MARCO: variants seen among roughly 807,000 people sequenced by gnomAD.
The protein encoded by MARCO is macrophage receptor with collagenous structure.
Under a neutral mutation model 70.0 loss-of-function variants are expected in MARCO, and 72 were observed. The ratio of observed to expected loss-of-function variants is 1.03; its 90% CI spans 0.85 to 1.25. MARCO has a LOEUF of 1.25. Ranked by LOEUF, MARCO falls within the 50% of genes most tolerant of loss-of-function variation. MARCO has a pLI of 0.00. For synonymous variants in MARCO, 273 were observed against 243.1 expected, an observed-to-expected ratio of 1.12 and a Z score of -1.14; for missense variants, 696 against 659.3, an observed-to-expected ratio of 1.06 and a Z score of -0.61.
intron 4 of MARCO, among the ~76,000 whole-genome samples, chr2:118,971,852 G>A (rs1036880258): frequency 5.3e-5 from 8 of 152,206 alleles, no homozygotes; most frequent in Admixed American, 2.0e-4. Context: ...TTTCCTGTAA[G>A]CATTCCTTCC....
rs1489396125 is a variant in MARCO, at chr2:118,977,900, G to T, written c.731G>T (p.Gly244Val). The change falls in exon 8 of 17, where the codon GGA becomes GTA. Residue 244 changes from glycine to valine, a missense_variant. Physicochemically the swap from Gly to Val is moderately radical, Grantham distance 109 (BLOSUM62 -3). Transcript: ENST00000327097. ...CTCATTGGCCCAAAAGGGGAAACTG[G>T]AACTAAGGGAGAGAAAGGAGACCTG... ...GGLIGPKGETGTKGEKGDLGL... is the reference protein window; with the variant it reads ...GGLIGPKGETVTKGEKGDLGL... 1 of 1,611,808 alleles carries T rather than the reference G, an allele frequency of 6.2e-7. No homozygotes were observed. The highest frequency in any genetic ancestry group is 1.3e-5 in the African/African-American group (1 of 74,994).
intron 1 of MARCO, among the ~76,000 whole-genome samples, chr2:118,968,211 A>G (rs1680092469): frequency 6.6e-6 from 1 of 152,220 alleles, no homozygotes; most frequent in Non-Finnish European, 1.5e-5. Flanking sequence ...AAGACAGAGT[A>G]ACAGCTGACG....
At chr2:118,986,737 A>C (rs1190182040) in intron 12 of MARCO, among the ~76,000 whole-genome samples, 1 of 146,896 alleles carries the variant, frequency 6.8e-6, no homozygotes, top group Non-Finnish European at 1.5e-5. Flanking sequence ...AAAGAAAGAA[A>C]GAGAAAGAAA....
chr2:118,973,814 C>G (rs1416102180), intron 4 of MARCO, among the ~76,000 whole-genome samples: 2 of 152,182 alleles, frequency 1.3e-5, no homozygotes, highest in African/African-American at 4.8e-5. Flanking sequence ...CTCTGTTTCT[C>G]TCCCCTATCC....
Position 118,994,524 on chromosome 2 carries a change from G to A in MARCO, c.*4G>A, listed in dbSNP as rs368941755. Reference sequence around the variant, plus strand: ...AGGCGTGGAGTGCAGCGTCTGACCCGGAAACCCTTTCACTTCTCTGCTCCC... The same window carrying A: ...AGGCGTGGAGTGCAGCGTCTGACCCAGAAACCCTTTCACTTCTCTGCTCCC... On this transcript the variant is annotated 3_prime_UTR_variant, in exon 17 of 17. Coordinates refer to ENST00000327097, the MANE Select transcript of MARCO (RefSeq NM_006770.4). 78 of 1,575,222 alleles carry A rather than the reference G, an allele frequency of 5.0e-5. No individual in the cohort carries two copies. The African/African-American group carries it at 8.1e-4, about 16-fold the overall frequency.
chr2:118,991,786 G>T lies in MARCO; in HGVS notation c.1118G>T (p.Gly373Val). ...GTGTCTCTCCTTCCAGGCCCTGCAG[G>T]TGTGAAGGGAGAACAGGGGAGCCCA... The part of the protein sequence containing the change: ...KGESGVPGPA[G>V]VKGEQGSPGL... Residue 373 changes from glycine (G) to valine (V), a missense_variant, in exon 14 of 17, where the codon GGT becomes GTT. Gly to Val is a moderately radical substitution (Grantham distance 109). Coordinates refer to ENST00000327097, the MANE Select transcript of MARCO (RefSeq NM_006770.4). 2 of 1,586,872 alleles carry T rather than the reference G, an allele frequency of 1.3e-6. No homozygotes were observed. Among genetic ancestry groups the T allele is most frequent in the Non-Finnish European group, 1.7e-6 (2 of 1,167,154 alleles).
chr2:118,962,250 T>C (rs2104566450), intron 1 of MARCO, among the ~76,000 whole-genome samples: 2 of 152,318 alleles, frequency 1.3e-5, no homozygotes, highest in South Asian at 4.1e-4. Flanking sequence ...TCTAATTCTG[T>C]GAAGAATGTC....
At chr2:118,965,328 A>G (rs958194088) in intron 1 of MARCO, among the ~76,000 whole-genome samples, 1 of 152,098 alleles carries the variant, frequency 6.6e-6, no homozygotes, top group African/African-American at 2.4e-5. Flanking sequence ...TGTCACATCT[A>G]TTACACTATT....
intron 1 of MARCO, among the ~76,000 whole-genome samples, chr2:118,967,665 C>G (rs1301426272): frequency 1.3e-5 from 2 of 152,154 alleles, no homozygotes; most frequent in Non-Finnish European, 2.9e-5. Context: ...ACCCCTAGAC[C>G]ATTGTTCATC....
chr2:118,957,509 C>A (rs1319675651), intron 1 of MARCO, among the ~76,000 whole-genome samples: 2 of 151,552 alleles, frequency 1.3e-5, no homozygotes, highest in Non-Finnish European at 3.0e-5. Context: ...AATTACCCCC[C>A]AAAAACAAAC....
chr2:118,977,648 C>A, intron 7 of MARCO, 133 bp downstream of exon 7: 1 of 847,146 alleles, frequency 1.2e-6, no homozygotes, highest in East Asian at 2.8e-5. Flanking sequence ...CTACAGTCCT[C>A]TTCTCTTGAG....
At chr2:118,962,315 G>A (rs1224598059) in intron 1 of MARCO, among the ~76,000 whole-genome samples, 1 of 152,082 alleles carries the variant, frequency 6.6e-6, no homozygotes, top group Non-Finnish European at 1.5e-5. Context: ...GGGCAGTATG[G>A]TCATTTTCAT....
chr2:118,971,355 C>T (rs1192975703), intron 3 of MARCO, 144 bp from the exon 4 acceptor site: 2 of 787,616 alleles, frequency 2.5e-6, no homozygotes, highest in South Asian at 1.5e-5. Context: ...GTGCTTGGCT[C>T]CTGTTGTCCA....
chr2:118,968,462 G>T (rs919091208), intron 1 of MARCO, among the ~76,000 whole-genome samples: 1 of 151,944 alleles, frequency 6.6e-6, no homozygotes, highest in African/African-American at 2.4e-5. Context: ...AAGATTAAAA[G>T]AAAAAAAGGC....
chr2:118,992,562 G>T (rs1008715850), intron 15 of MARCO, 86 bp downstream of exon 15: 2 of 1,176,356 alleles, frequency 1.7e-6, no homozygotes, highest in African/African-American at 3.0e-5. Flanking sequence ...AAGAGACCTT[G>T]GTTCTCAAAT....
chr2:118,981,242 G>A (rs968839291), intron 8 of MARCO, among the ~76,000 whole-genome samples, 167 bp from the exon 9 acceptor site: 4 of 152,078 alleles, frequency 2.6e-5, no homozygotes, highest in East Asian at 1.9e-4. Flanking sequence ...GGGGCAAAGC[G>A]GTGCACTCCT....
intron 13 of MARCO, among the ~76,000 whole-genome samples, chr2:118,991,131 T>G (rs1281637621): frequency 6.6e-6 from 1 of 152,218 alleles, no homozygotes; most frequent in East Asian, 1.9e-4. Flanking sequence ...TGGCACCAGC[T>G]GGACGGTGTT....
intron 4 of MARCO, among the ~76,000 whole-genome samples, chr2:118,973,767 A>G (rs1051446627): frequency 6.6e-6 from 1 of 152,170 alleles, no homozygotes; most frequent in African/African-American, 2.4e-5. Context: ...CTCCTCAGCC[A>G]AGCTTCAGGG....
chr2:118,964,831 C>A (rs533438618), intron 1 of MARCO, among the ~76,000 whole-genome samples: 3 of 148,800 alleles, frequency 2.0e-5, no homozygotes. Context: ...GAGGTTGAAG[C>A]GAGCAGAGAT....
Sources: allele counts gnomAD v4.1 joint callset (sites outside exome capture counted in the v4.1 genomes callset), GRCh38; gene constraint gnomAD v4.1.1; transcripts MANE v1.5; gene names NCBI Gene and HGNC (gene_info 2026-07-23, HGNC 2026-07-21).